Variants in PALS2 observed in about 807,000 individuals in gnomAD.
The protein encoded by PALS2 is protein PALS2.
Under a neutral mutation model 61.6 loss-of-function variants are expected in PALS2, and 27 were observed. The ratio of observed to expected loss-of-function variants is 0.44; its 90% CI spans 0.32 to 0.60. The LOEUF is 0.60. PALS2 is among the 20% of genes least tolerant of loss of function. The pLI, the probability that PALS2 is intolerant of heterozygous loss-of-function variation, is 0.05. For synonymous variants in PALS2, 236 were observed against 218.6 expected, an observed-to-expected ratio of 1.08 and a Z score of -0.70; for missense variants, 554 against 639.4, an observed-to-expected ratio of 0.87 and a Z score of 1.44.
rs1225716730 is a variant in PALS2 at position 24,674,432 on chromosome 7, C to G, written c.1115-4699C>G. ...GCTCACCACAGTGCTGATCTTTTTC[C>G]CATCAGTAGCTTTTAAGACAATTAT... On this transcript the variant is annotated intron_variant, in intron 9 of 11. Transcript: ENST00000222644. 2.6e-5 allele frequency: 4 copies of G among 153,090 alleles called. No individual in the cohort carries two copies. In the East Asian group the frequency reaches 7.7e-4, roughly 29 times the overall value. 9.5% of individuals were successfully genotyped at this position (153,090 alleles called of 1,614,324 possible).
rs2128031092 is a variant in PALS2 at position 24,679,000 on chromosome 7, A to G, written c.1115-131A>G. ...AACTTTATTTACAAAAATAAGAAGC[A>G]GATCAGATCTGGTCATAGCCTACAG... On this transcript the variant is annotated intron_variant, in intron 9 of 11. Transcript: ENST00000222644. 10 of 680,932 alleles carry G rather than the reference A, an allele frequency of 1.5e-5. No individual in the cohort carries two copies. In the South Asian group the frequency reaches 1.9e-4, roughly 13 times the overall value. 42.2% of individuals were successfully genotyped at this position (680,932 alleles called of 1,614,324 possible). A position where few individuals can be genotyped will look rare whatever the true frequency, so the allele number is the denominator to read the frequency against.
chr7:24,614,546 T>C (rs1258118219), intron 1 of PALS2, among the ~76,000 whole-genome samples: 1 of 151,906 alleles, frequency 6.6e-6, no homozygotes, highest in Non-Finnish European at 1.5e-5. Flanking sequence ...AGCAACAGGC[T>C]AAATCAATTA....
chr7:24,578,241 A>C (rs1484332558), intron 1 of PALS2, among the ~76,000 whole-genome samples: 3 of 152,070 alleles, frequency 2.0e-5, no homozygotes, highest in Admixed American at 2.0e-4. Flanking sequence ...ATGAACCACC[A>C]CACCCTGCTG....
chr7:24,578,490 A>G (rs760560208), intron 1 of PALS2, among the ~76,000 whole-genome samples: 24 of 152,196 alleles, frequency 1.6e-4, no homozygotes, highest in Non-Finnish European at 3.1e-4. Context: ...AATGCAGCCA[A>G]TGTCCAGTGG....
At chr7:24,586,953 G>C (rs930922869) in intron 1 of PALS2, among the ~76,000 whole-genome samples, 1 of 152,072 alleles carries the variant, frequency 6.6e-6, no homozygotes, top group Non-Finnish European at 1.5e-5. Flanking sequence ...GATTTTCAGA[G>C]TTTGGAAATT....
At chr7:24,686,576 T>C (rs1489515252) in intron 11 of PALS2, among the ~76,000 whole-genome samples, 1 of 152,234 alleles carries the variant, frequency 6.6e-6, no homozygotes, top group African/African-American at 2.4e-5. Flanking sequence ...AAAGTAGATC[T>C]CTTAAAATTC....
At chr7:24,579,610 C>T (rs548677034) in intron 1 of PALS2, among the ~76,000 whole-genome samples, 11 of 152,140 alleles carry the variant, frequency 7.2e-5, no homozygotes, top group African/African-American at 2.7e-4. Flanking sequence ...GTTTATAAAT[C>T]ACCGAGATTT....
intron 2 of PALS2, among the ~76,000 whole-genome samples, chr7:24,627,126 C>T (rs139956280): frequency 6.6e-5 from 10 of 152,144 alleles, no homozygotes; most frequent in African/African-American, 1.2e-4. Flanking sequence ...GGAAGTCAGT[C>T]CTCAGCAAAT....
rs1786047692 is a variant in PALS2, at chr7:24,649,833, CTG to C, written c.423+71_423+72del. ...CATAATTTGTGGTTCAGTCACTACT[CTG>C]TTTCATTTTTTTTCCTTTTCATAAT... On this transcript the variant is annotated intron_variant, in intron 4 of 11. Transcript: ENST00000222644. 11 of 1,350,950 alleles carry C rather than the reference CTG, an allele frequency of 8.1e-6. No individual in the cohort carries two copies. In the Admixed American group the frequency reaches 2.1e-4, roughly 26 times the overall value. The allele number at this position is 1,350,950 out of a possible 1,614,324, so 83.7% of individuals were successfully genotyped here. A position where few individuals can be genotyped will look rare whatever the true frequency, so the allele number is the denominator to read the frequency against.
chr7:24,663,439 C>G (rs939892561), intron 5 of PALS2, 151 bp from the exon 6 acceptor site: 1 of 677,082 alleles, frequency 1.5e-6, no homozygotes. Context: ...ATTCTAATAA[C>G]TTGATTTCCA....
Position 24,624,633 on chromosome 7 carries a change from G to T in PALS2, c.117+849G>T, listed in dbSNP as rs767423226. On this transcript the variant is annotated intron_variant, in intron 2 of 11. Coordinates refer to ENST00000222644, the MANE Select transcript of PALS2 (RefSeq NM_001303037.2). ...TTTTTTTTTTTTTTTTTGAGAGGAA[G>T]TCTCACTTTGTCTCCCAGGCTGGAG... Among the ~76,000 whole-genome samples the T allele has an allele frequency of 1.8e-4, 8 of 45,384 alleles. No homozygotes were observed. In the African/African-American group the frequency reaches 1.8e-3, roughly 10 times the overall value. The allele number at this position is 45,384 out of a possible 152,430, so 29.8% of individuals were successfully genotyped here.
At chr7:24,627,228 A>G (rs952572904) in intron 2 of PALS2, among the ~76,000 whole-genome samples, 5 of 152,232 alleles carry the variant, frequency 3.3e-5, no homozygotes, top group African/African-American at 7.2e-5. Flanking sequence ...CCATACAACT[A>G]CATGGAAACT....
chr7:24,609,970 A>G (rs529742637), intron 1 of PALS2, among the ~76,000 whole-genome samples: 1 of 152,184 alleles, frequency 6.6e-6, no homozygotes, highest in Non-Finnish European at 1.5e-5. Context: ...CTGATCATAA[A>G]TTCAGTGTTT....
At chr7:24,626,056 C>G (rs1349952713) in intron 2 of PALS2, among the ~76,000 whole-genome samples, 2 of 151,916 alleles carry the variant, frequency 1.3e-5, no homozygotes, top group Admixed American at 6.6e-5. Flanking sequence ...ATAAATGGTT[C>G]TTTTATTAGC....
At chr7:24,585,958 C>T (rs765145946) in intron 1 of PALS2, among the ~76,000 whole-genome samples, 1 of 152,164 alleles carries the variant, frequency 6.6e-6, no homozygotes, top group African/African-American at 2.4e-5. Context: ...TTGGAGTTCC[C>T]TCTTTTGCAA....
In PALS2 at chr7:24,598,611, G is replaced by C. The variant is rs191197524; in HGVS notation, c.-3+25018G>C. ...AACTTAAAATAACCTGTTCATTATA[G>C]ATTGGATAATCTGCTGTTTCACTGA... On this transcript the variant is annotated intron_variant, in intron 1 of 11. Coordinates refer to ENST00000222644, the MANE Select transcript of PALS2 (RefSeq NM_001303037.2). Among the ~76,000 whole-genome samples the C allele has an allele frequency of 5.9e-5, 9 of 152,276 alleles. No individual in the cohort carries two copies. In the East Asian group the frequency reaches 9.6e-4, roughly 16 times the overall value.
intron 11 of PALS2, among the ~76,000 whole-genome samples, chr7:24,684,880 A>G (rs757219741): frequency 6.6e-6 from 1 of 152,170 alleles, no homozygotes; most frequent in Non-Finnish European, 1.5e-5. Flanking sequence ...TATTAACAAT[A>G]TGATTATTGA....
Position 24,665,591 on chromosome 7 carries a change from A to G in PALS2, c.787A>G (p.Ser263Gly). 1 of 1,613,454 alleles carries G rather than the reference A, an allele frequency of 6.2e-7. No homozygotes were observed. The highest frequency in any genetic ancestry group is 8.5e-7 in the Non-Finnish European group (1 of 1,179,470). Residue 263 changes from serine (S) to glycine (G), a missense_variant, in exon 7 of 12, where the codon AGC (serine) becomes GGC (glycine). Coordinates refer to ENST00000222644, the MANE Select transcript of PALS2 (RefSeq NM_001303037.2). ...NREDPNWWQA[S>G]HVKEGGSAGL... ...CAATTCATTAATTTGATTCTAGGCT[A>G]GCCATGTAAAAGAGGGAGGAAGCGC...
intron 5 of PALS2, among the ~76,000 whole-genome samples, chr7:24,661,321 T>C (rs1786708010): frequency 6.6e-6 from 1 of 151,398 alleles, no homozygotes; most frequent in Non-Finnish European, 1.5e-5. Context: ...CTAAAACTAC[T>C]TTAATTAATG....
Sources: gnomAD v4.1 joint callset for allele counts (sites outside exome capture counted in the v4.1 genomes callset) on GRCh38, gnomAD v4.1.1 for gene constraint, MANE v1.5 for transcripts, NCBI Gene and HGNC (gene_info 2026-07-23, HGNC 2026-07-21) for gene names.